The following KCNT1 variants were observed in gnomAD, a reference collection of about 807,000 sequenced individuals.
KCNT1 encodes potassium channel subfamily T member 1.
In KCNT1, 78 loss-of-function variants were observed where a neutral mutation model predicts 147.8. The observed-to-expected ratio is 0.53, with a 90% CI of 0.44 to 0.64. The LOEUF (loss-of-function observed/expected upper bound fraction) is 0.64, where lower values mean the gene tolerates loss of function less well. KCNT1 is among the 30% of genes least tolerant of loss of function. The probability of loss-of-function intolerance (pLI) is 0.00; values close to 1 mark genes in which losing one functional copy is unlikely to be tolerated. For synonymous variants in KCNT1, 867 were observed against 748.8 expected, an observed-to-expected ratio of 1.16 and a Z score of -2.58; for missense variants, 1,419 against 1,750.3, an observed-to-expected ratio of 0.81 and a Z score of 3.38.
intron 17 of KCNT1, 141 bp downstream of exon 17, chr9:135,770,588 T>C (rs2131509022): frequency 5.3e-6 from 6 of 1,138,058 alleles, no homozygotes; most frequent in Non-Finnish European, 7.4e-6. Flanking sequence ...TCATCCTGCC[T>C]GGCGAGGGCA....
chr9:135,758,958 G>A (rs1343329483), intron 10 of KCNT1, among the ~76,000 whole-genome samples: 2 of 152,228 alleles, frequency 1.3e-5, no homozygotes, highest in Non-Finnish European at 2.9e-5. Flanking sequence ...GCTCCATGTT[G>A]CTGCTCTGCC....
At chr9:135,778,375 G>A (rs1833332615) in intron 21 of KCNT1, 49 bp from the exon 22 acceptor site, 2 of 1,509,156 alleles carry the variant, frequency 1.3e-6, no homozygotes, top group East Asian at 2.5e-5. Flanking sequence ...GCCTGAGGAG[G>A]GCAGGCCTTG....
intron 2 of KCNT1, among the ~76,000 whole-genome samples, chr9:135,721,466 G>A (rs1250803383): frequency 3.3e-5 from 5 of 152,214 alleles, no homozygotes; most frequent in South Asian, 4.1e-4. Flanking sequence ...GGGAGGACAC[G>A]GCCAGCCTGA....
At chr9:135,782,769 C>T (rs535362765) in intron 24 of KCNT1, among the ~76,000 whole-genome samples, 6 of 152,338 alleles carry the variant, frequency 3.9e-5, no homozygotes, top group Non-Finnish European at 7.3e-5. Context: ...ATTTCACGTT[C>T]GTCTCCGCGA....
In KCNT1 at chr9:135,784,527, C is replaced by G. The variant is rs758950757; in HGVS notation, c.2944-8C>G. On this transcript the variant is annotated splice_polypyrimidine_tract_variant and splice_region_variant and intron_variant, in intron 25 of 30. Transcript: ENST00000371757. ...CCTCCCTCCCTCCCTCCCTCCCTCC[C>G]TGGCCAGTCCTTCGTGAAGGACTAC... The G allele has an allele frequency of 1.6e-5, 17 of 1,074,204 alleles. No homozygotes were observed. Among genetic ancestry groups the G allele is most frequent in the East Asian group, 2.9e-5 (1 of 34,656 alleles). The allele number at this position is 1,074,204 out of a possible 1,614,324, so 66.5% of individuals were successfully genotyped here.
chr9:135,779,343 C>T lies in KCNT1; in HGVS notation c.2730-16C>T, dbSNP rs571787446. 5.7e-5 allele frequency: 89 copies of T among 1,571,932 alleles called. 1 individual carries two copies. In the South Asian group the frequency reaches 7.7e-4, roughly 14 times the overall value. ...AACCACCATGGGCCCCGCCCTGAGC[C>T]GCCTGCCTCCCCCAGGCTCTTCCCC... On this transcript the variant is annotated splice_polypyrimidine_tract_variant and intron_variant, in intron 23 of 30. Coordinates refer to ENST00000371757, the MANE Select transcript of KCNT1 (RefSeq NM_020822.3).
In KCNT1 at chr9:135,791,466, GGCAGGTGTGC is replaced by G; in HGVS notation, c.3503-328_3503-319del. On this transcript the variant is annotated intron_variant, in intron 29 of 30. Transcript: ENST00000371757. ...CCGGTGTCTGCAGGCTGACGTACGT[GGCAGGTGTGC>G]GCTGGTGTGTGCAGGTGTGCTCAGT... is the stretch of plus-strand genomic sequence containing the variant. 1.3e-5 allele frequency: 4 copies of G among 319,492 alleles called. No individual in the cohort carries two copies. In the South Asian group the frequency reaches 1.7e-4, roughly 13 times the overall value. The allele number at this position is 319,492 out of a possible 1,614,324, so 19.8% of individuals were successfully genotyped here.
Position 135,732,871 on chromosome 9 carries a change from CAA to C in KCNT1, c.255-17226_255-17225del, listed in dbSNP as rs1830163975. On this transcript the variant is annotated intron_variant, in intron 2 of 30. Transcript: ENST00000371757. ...ATGCCCTTCTCCCACTGGGGGCAAT[CAA>C]GAGGTCTCACCTCAGTCCAAGGGTC... Among the ~76,000 whole-genome samples the C allele has an allele frequency of 2.6e-5, 4 of 151,872 alleles. No homozygotes were observed. In the South Asian group the frequency reaches 8.3e-4, roughly 32 times the overall value.
At chr9:135,764,801 T>C (rs1022729227) in intron 11 of KCNT1, among the ~76,000 whole-genome samples, 4 of 152,122 alleles carry the variant, frequency 2.6e-5, no homozygotes, top group Non-Finnish European at 4.4e-5. Context: ...CCTCCTCCCT[T>C]GGTCCCCACA....
Position 135,792,938 on chromosome 9 carries a change from C to T in KCNT1, c.*777C>T, listed in dbSNP as rs1834649067. On this transcript the variant is annotated 3_prime_UTR_variant, in exon 31 of 31. Transcript: ENST00000371757. ...ACACTTACCTTTTAAAGCAAAGCCT[C>T]ATTTTCTAAACCCCTGACTTGTGAA... The T allele has an allele frequency of 6.6e-6, 1 of 152,176 alleles. No homozygotes were observed. Among genetic ancestry groups the T allele is most frequent in the Non-Finnish European group, 1.5e-5 (1 of 68,032 alleles). The allele number at this position is 152,176 out of a possible 1,614,324, so 9.4% of individuals were successfully genotyped here. A position where few individuals can be genotyped will look rare whatever the true frequency, so the allele number is the denominator to read the frequency against.
At position 135,716,317 on chromosome 9, in the gene KCNT1, A is replaced by G. The variant is rs545548231; in HGVS notation, c.254+1597A>G. ...CTGTGGCTGTGGTTGATCAAATTGT[A>G]ATGCTGTATTCCTGAGTGTTCAGGA... On this transcript the variant is annotated intron_variant, in intron 2 of 30. Transcript: ENST00000371757. Among the ~76,000 whole-genome samples, 3 of 152,258 alleles carry G rather than the reference A, an allele frequency of 2.0e-5. No individual in the cohort carries two copies. In the East Asian group the frequency reaches 5.8e-4, roughly 29 times the overall value.
rs372410150 is a variant in KCNT1, at chr9:135,786,406, C to G, written c.3387C>G (p.Ala1129=). 1 of 1,576,410 alleles carries G rather than the reference C, an allele frequency of 6.3e-7. No homozygotes were observed. Among genetic ancestry groups the G allele is most frequent in the South Asian group, 1.1e-5 (1 of 87,320 alleles). Residue 1129 remains alanine, a synonymous_variant, in exon 29 of 31, where the codon GCC becomes GCG. Coordinates refer to ENST00000371757, the MANE Select transcript of KCNT1 (RefSeq NM_020822.3). ...KAPKQAGRAA[A]AEWISQQRLS... ...CCAAGCAGGCAGGCCGGGCGGCGGC[C>G]GCGGAGTGGATCAGCCAGCAGCGCC...
intron 2 of KCNT1, chr9:135,736,575 C>T (rs1830345783): frequency 6.7e-6 from 1 of 149,468 alleles, no homozygotes; most frequent in South Asian, 1.8e-4. Flanking sequence ...ATGGTTCCGC[C>T]CGGCGCCGCC....
intron 2 of KCNT1, among the ~76,000 whole-genome samples, chr9:135,746,167 G>C (rs1180188890): frequency 2.6e-5 from 4 of 152,220 alleles, no homozygotes; most frequent in East Asian, 1.9e-4. Context: ...AGCAGAGGAG[G>C]CTTCATTAAT....
At chr9:135,754,411 C>T (rs1285173942) in intron 5 of KCNT1, among the ~76,000 whole-genome samples, 3 of 152,220 alleles carry the variant, frequency 2.0e-5, no homozygotes, top group African/African-American at 4.8e-5. Context: ...AGCCCGTCTC[C>T]CAGTGAGGTG....
rs1276304607 is a variant in KCNT1, at chr9:135,714,186, G to T, written c.111-391G>T. Among the ~76,000 whole-genome samples the T allele has an allele frequency of 1.3e-5, 2 of 151,994 alleles. No homozygotes were observed. Among genetic ancestry groups the T allele is most frequent in the African/African-American group, 4.8e-5 (2 of 41,408 alleles). ...GGAGGGGAGCTGGGGAGTTGGGAGG[G>T]GTTGCAGGGGTGTGGCGGGGCTTCA... On this transcript the variant is annotated intron_variant, in intron 1 of 30. Transcript: ENST00000371757. This position sits in a 1 kb window ranked among gnomAD's most constrained non-coding sequence, Gnocchi z 6.2.
chr9:135,756,968 T>TCCC, intron 7 of KCNT1, 36 bp downstream of exon 7: 2 of 852,572 alleles, frequency 2.3e-6, no homozygotes, highest in Admixed American at 3.0e-5. Flanking sequence ...TCACAGGGGG[T>TCCC]CCCCACCCTC....
At chr9:135,738,094 G>A (rs780162519) in intron 2 of KCNT1, among the ~76,000 whole-genome samples, 19 of 152,204 alleles carry the variant, frequency 1.2e-4, no homozygotes, top group Non-Finnish European at 2.6e-4. Context: ...AGGGCCCATA[G>A]GGATAGCAGG....
rs1832677465 is a variant in KCNT1 at position 135,770,476 on chromosome 9, G to A, written c.1769+29G>A. On this transcript the variant is annotated intron_variant, in intron 17 of 30. Transcript: ENST00000371757. ...AGGCCGGGCTGCATCCACAGGGCTG[G>A]CGCTCCAGGGCTGCTCTGCTCTGTG... 1.9e-6 allele frequency: 3 copies of A among 1,591,834 alleles called. No individual in the cohort carries two copies. In the East Asian group the frequency reaches 6.7e-5, roughly 36 times the overall value.
Sources: gnomAD v4.1 joint callset for allele counts (sites outside exome capture counted in the v4.1 genomes callset) on GRCh38, gnomAD v4.1.1 for gene constraint, Gnocchi (gnomAD v3.1) non-coding constraint, MANE v1.5 for transcripts, NCBI Gene and HGNC (gene_info 2026-07-23, HGNC 2026-07-21) for gene names.